PRKN: variants seen among roughly 807,000 people sequenced by gnomAD.
PRKN encodes the protein E3 ubiquitin-protein ligase parkin.
A neutral mutation model predicts 59.5 loss-of-function variants in PRKN; 56 were observed. The observed-to-expected ratio is 0.94, with a 90% CI of 0.76 to 1.18. PRKN has a LOEUF of 1.18. PRKN is among the 50% of genes most tolerant of loss of function. The pLI is 0.00. For missense variants in PRKN, 657 were observed against 596.4 expected (o/e 1.10, Z -1.06); for synonymous variants, 250 against 222.1 (o/e 1.13, Z -1.12).
intron 2 of PRKN, among the ~76,000 whole-genome samples, chr6:162,310,899 T>G (rs569285535): frequency 1.3e-5 from 2 of 152,090 alleles, no homozygotes; most frequent in African/African-American, 4.8e-5. Flanking sequence ...GCAAATACTT[T>G]GTTAGTGTCC....
chr6:162,471,981 G>A (rs1401867082), intron 1 of PRKN, among the ~76,000 whole-genome samples: 2 of 152,228 alleles, frequency 1.3e-5, no homozygotes, highest in East Asian at 1.9e-4. Context: ...TGGGCACCTG[G>A]TCCATAAGAA....
chr6:162,442,100 C>T (rs185826138), intron 2 of PRKN, among the ~76,000 whole-genome samples: 16 of 152,224 alleles, frequency 1.1e-4, no homozygotes, highest in Admixed American at 5.9e-4. Context: ...TTGTGCACAA[C>T]GAGTATGTGC....
chr6:162,164,533 G>A (rs1388498469), intron 4 of PRKN, among the ~76,000 whole-genome samples: 1 of 148,924 alleles, frequency 6.7e-6, no homozygotes, highest in African/African-American at 2.5e-5. Context: ...CTTTTTGTGT[G>A]TAGAGTGTGA....
chr6:161,584,897 G>A lies in PRKN; in HGVS notation c.872-15481C>T, dbSNP rs1293021515. Among the ~76,000 whole-genome samples the A allele has an allele frequency of 6.6e-6, 1 of 152,130 alleles. No homozygotes were observed. The highest frequency in any genetic ancestry group is 1.5e-5 in the Non-Finnish European group (1 of 68,018). On this transcript the variant is annotated intron_variant, in intron 7 of 11. Transcript: ENST00000366898. This position sits in a 1 kb window ranked among gnomAD's most constrained non-coding sequence, Gnocchi z 4.8. ...ATTAAACAGCACAAGCCTGGCTGCC[G>A]GGATGGCTGTATTAGCAATGCAGTG... is the stretch of plus-strand genomic sequence containing the variant.
chr6:162,162,834 C>A (rs1029867852), intron 4 of PRKN, among the ~76,000 whole-genome samples: 1 of 148,142 alleles, frequency 6.8e-6, no homozygotes, highest in African/African-American at 2.6e-5. Context: ...ATGGTGAAAC[C>A]CCATCTCTAC....
intron 1 of PRKN, among the ~76,000 whole-genome samples, chr6:162,504,473 C>G (rs1793516997): frequency 1.3e-5 from 2 of 152,036 alleles, no homozygotes; most frequent in South Asian, 4.2e-4. Flanking sequence ...GCATAGGGAA[C>G]AGATAATAGA....
In PRKN at chr6:161,527,575, T is replaced by A. The variant is rs1779060601; in HGVS notation, c.1083+21279A>T. ...TGCCTGAGGGGTGGAGTGAGGAACA[T>A]CTGCCCATGGGTAGTAGCACCTTGT... On this transcript the variant is annotated intron_variant, in intron 9 of 11. Transcript: ENST00000366898. The surrounding 1 kb of genome is among the most constrained non-coding windows in gnomAD (Gnocchi z 4.6). Among the ~76,000 whole-genome samples, 1 of 152,164 alleles carries A rather than the reference T, an allele frequency of 6.6e-6. No individual in the cohort carries two copies.
chr6:162,486,964 G>C (rs1792573472), intron 1 of PRKN, among the ~76,000 whole-genome samples: 1 of 152,034 alleles, frequency 6.6e-6, no homozygotes, highest in African/African-American at 2.4e-5. Flanking sequence ...CAGCTACTCG[G>C]GAGGCTGAGG....
intron 1 of PRKN, among the ~76,000 whole-genome samples, chr6:162,586,668 T>A (rs2128213020): frequency 6.6e-6 from 1 of 152,356 alleles, no homozygotes; most frequent in Non-Finnish European, 1.5e-5. Context: ...ATATTAAATC[T>A]AATATCAAGA....
In PRKN at chr6:161,352,264, A is replaced by G. The variant is rs1431646942; in HGVS notation, c.1286-2053T>C. Among the ~76,000 whole-genome samples the G allele has an allele frequency of 2.0e-5, 3 of 152,200 alleles. No homozygotes were observed. The highest frequency in any genetic ancestry group is 4.4e-5 in the Non-Finnish European group (3 of 68,032). ...ATGAGAACTTTCACTAATTTAAAAT[A>G]TTTATGAATATATAGGAATAGGCAT... is the stretch of plus-strand genomic sequence containing the variant. On this transcript the variant is annotated intron_variant, in intron 11 of 11. Coordinates refer to ENST00000366898, the MANE Select transcript of PRKN (RefSeq NM_004562.3). The surrounding 1 kb of genome is among the most constrained non-coding windows in gnomAD (Gnocchi z 5.8).
chr6:161,403,786 T>C (rs1787150040), intron 9 of PRKN, among the ~76,000 whole-genome samples: 1 of 152,158 alleles, frequency 6.6e-6, no homozygotes, highest in Non-Finnish European at 1.5e-5. Context: ...TCATTAGGGC[T>C]CCACCCTCAT....
intron 5 of PRKN, among the ~76,000 whole-genome samples, chr6:162,012,666 A>T (rs932440567): frequency 6.6e-6 from 1 of 152,144 alleles, no homozygotes; most frequent in Non-Finnish European, 1.5e-5. Flanking sequence ...AACCAATTAT[A>T]TCTGTAACAC....
chr6:161,494,578 C>A (rs1330782938), intron 9 of PRKN, among the ~76,000 whole-genome samples: 2 of 152,218 alleles, frequency 1.3e-5, no homozygotes, highest in Non-Finnish European at 2.9e-5. Context: ...CTGGATTGAA[C>A]TGAATTTCTA....
intron 3 of PRKN, among the ~76,000 whole-genome samples, chr6:162,252,723 C>T (rs1244725886): frequency 6.6e-6 from 1 of 152,208 alleles, no homozygotes; most frequent in African/African-American, 2.4e-5. Flanking sequence ...CTTTCACTTC[C>T]CAGCATCTAG....
intron 2 of PRKN, among the ~76,000 whole-genome samples, chr6:162,292,850 G>C (rs1487304735): frequency 1.3e-5 from 2 of 152,058 alleles, no homozygotes; most frequent in African/African-American, 4.8e-5. Context: ...TTCTTTCTGG[G>C]ATCTCCTACA....
In PRKN at chr6:162,474,248, T is replaced by A. The variant is rs77152634; in HGVS notation, c.8-30775A>T. ...GAAGATACGCCAGCATAATACATCTTACTTCTTTTCCAATAATACAACTGG... is the reference window on the plus strand; with the variant it reads ...GAAGATACGCCAGCATAATACATCTAACTTCTTTTCCAATAATACAACTGG... On this transcript the variant is annotated intron_variant, in intron 1 of 11. Coordinates refer to ENST00000366898, the MANE Select transcript of PRKN (RefSeq NM_004562.3). Among the ~76,000 whole-genome samples the A allele has an allele frequency of 3.7e-3, 558 of 152,344 alleles. 3 individuals are homozygous for A. Among genetic ancestry groups the A allele is most frequent in the Non-Finnish European group, 6.6e-3 (447 of 68,020 alleles).
At position 161,350,128 on chromosome 6, in the gene PRKN, A is replaced by G. The variant is rs1784462218; in HGVS notation, c.1369T>C (p.Cys457Arg). 1 of 1,613,470 alleles carries G rather than the reference A, an allele frequency of 6.2e-7. No homozygotes were observed. The highest frequency in any genetic ancestry group is 8.5e-7 in the Non-Finnish European group (1 of 1,179,800). Residue 457 changes from cysteine (C) to arginine (R), a missense_variant, in exon 12 of 12, where the codon TGC becomes CGC. Physicochemically the swap from Cys to Arg is radical, Grantham distance 180. Transcript: ENST00000366898. ...ACGTCGAACCAGTGGTCCCCCATGC[A>G]GACGCGGTTCCACTCGCAGCCACAG... ...WNCGCEWNRVCMGDHWFDV is the reference protein window; with the variant it reads ...WNCGCEWNRVRMGDHWFDV
rs140370888 is a variant in PRKN at position 161,530,450 on chromosome 6, A to AG, written c.1083+18403dup. The stretch of plus-strand genomic sequence containing the variant: ...CATTTTCTTAACTGCTCTGGAGACC[A>AG]GCAGGAATTGGAGCAGCCTCATTCC... On this transcript the variant is annotated intron_variant, in intron 9 of 11. Transcript: ENST00000366898. The surrounding 1 kb of genome is among the most constrained non-coding windows in gnomAD (Gnocchi z 5.0). Among the ~76,000 whole-genome samples, 4 of 152,280 alleles carry AG rather than the reference A, an allele frequency of 2.6e-5. No homozygotes were observed. The highest frequency in any genetic ancestry group is 9.6e-5 in the African/African-American group (4 of 41,576).
At chr6:161,536,158 A>G (rs1779406467) in intron 9 of PRKN, among the ~76,000 whole-genome samples, 1 of 152,088 alleles carries the variant, frequency 6.6e-6, no homozygotes, top group Non-Finnish European at 1.5e-5. Flanking sequence ...GCCCATTAAG[A>G]GATTTTGATT....
Sources: allele counts gnomAD v4.1 joint callset (sites outside exome capture counted in the v4.1 genomes callset), GRCh38; gene constraint gnomAD v4.1.1; non-coding constraint Gnocchi (gnomAD v3.1); transcripts MANE v1.5; gene names NCBI Gene and HGNC (gene_info 2026-07-23, HGNC 2026-07-21).